The following SLC25A36 variants were observed in gnomAD, a reference collection of about 807,000 sequenced individuals.
SLC25A36 encodes epididymis secretory sperm binding protein.
In SLC25A36, 24 loss-of-function variants were observed where a neutral mutation model predicts 35.3. The observed-to-expected ratio is 0.68, with a 90% CI of 0.49 to 0.96. The LOEUF (loss-of-function observed/expected upper bound fraction) is 0.96. Among genes scored for constraint, SLC25A36 ranks in the 40% least tolerant of loss-of-function variants. The probability of loss-of-function intolerance (pLI) is 0.00; values close to 1 mark genes in which losing one functional copy is unlikely to be tolerated. For synonymous variants in SLC25A36, 141 were observed against 132.2 expected, an observed-to-expected ratio of 1.07 and a Z score of -0.46; for missense variants, 294 against 381.1, an observed-to-expected ratio of 0.77 and a Z score of 1.90.
chr3:140,962,842 G>T (rs1934663997), intron 3 of SLC25A36, among the ~76,000 whole-genome samples: 1 of 148,766 alleles, frequency 6.7e-6, no homozygotes, highest in Admixed American at 6.7e-5. Flanking sequence ...TTATCTTCTT[G>T]GTTACCAAGT....
Position 140,941,880 on chromosome 3 carries a change from C to A in SLC25A36, c.-175C>A. 2.0e-6 allele frequency: 1 copy of A among 503,472 alleles called. No homozygotes were observed. Among genetic ancestry groups the A allele is most frequent in the Non-Finnish European group, 3.6e-6 (1 of 280,682 alleles). 31.2% of individuals were successfully genotyped at this position (503,472 alleles called of 1,614,324 possible). ...CGCGCTTAGGCAGGCGGTGGCGCGGCTGGAGTGCCGCGGGGAGGGCTGTGC... is the reference window on the plus strand; with the variant it reads ...CGCGCTTAGGCAGGCGGTGGCGCGGATGGAGTGCCGCGGGGAGGGCTGTGC... On this transcript the variant is annotated 5_prime_UTR_variant, in exon 1 of 7. In the 5' UTR this introduces an upstream ATG that the reference lacks. Coordinates refer to ENST00000324194, the MANE Select transcript of SLC25A36 (RefSeq NM_001104647.3).
intron 1 of SLC25A36, among the ~76,000 whole-genome samples, chr3:140,954,745 G>A (rs897253880): frequency 2.0e-5 from 3 of 152,114 alleles, no homozygotes; most frequent in African/African-American, 7.2e-5. Flanking sequence ...GTAATGATTT[G>A]TAAATATTTG....
intron 1 of SLC25A36, among the ~76,000 whole-genome samples, chr3:140,945,013 C>T (rs933439702): frequency 2.6e-5 from 4 of 152,194 alleles, no homozygotes; most frequent in Non-Finnish European, 5.9e-5. Flanking sequence ...CTCTGTCTTG[C>T]TCTGTTTAAG....
Position 140,970,958 on chromosome 3 carries a change from T to C in SLC25A36, c.417T>C (p.Ile139=). The change falls in exon 5 of 7, where the codon ATT becomes ATC. Residue 139 remains isoleucine (I), a synonymous_variant. Coordinates refer to ENST00000324194, the MANE Select transcript of SLC25A36 (RefSeq NM_001104647.3). ...CTGCAATCACAGCAACCAACCCCAT[T>C]TGGCTTATAAAGACTCGGTTACAGC... The part of the protein sequence containing the change: ...GFTAITATNP[I]WLIKTRLQLD... 6.5e-7 allele frequency: 1 copy of C among 1,535,662 alleles called. No individual in the cohort carries two copies. The highest frequency in any genetic ancestry group is 9.0e-7 in the Non-Finnish European group (1 of 1,109,672).
chr3:140,951,086 ACTG>A (rs1478289934), intron 1 of SLC25A36, among the ~76,000 whole-genome samples: 1 of 151,992 alleles, frequency 6.6e-6, no homozygotes, highest in Non-Finnish European at 1.5e-5. Context: ...GCAGGGAAAA[ACTG>A]CTGCTTTTTG....
intron 1 of SLC25A36, among the ~76,000 whole-genome samples, chr3:140,944,161 A>G (rs776547292): frequency 1.3e-5 from 2 of 152,264 alleles, no homozygotes; most frequent in Admixed American, 6.5e-5. Context: ...AAGAACCAAG[A>G]GTAACCTTTC....
intron 5 of SLC25A36, among the ~76,000 whole-genome samples, chr3:140,971,826 G>C (rs1327116859): frequency 6.6e-6 from 1 of 152,174 alleles, no homozygotes; most frequent in African/African-American, 2.4e-5. Context: ...GTCTGGAGTA[G>C]GTTCTGTGTA....
At position 140,951,042 on chromosome 3, in the gene SLC25A36, T is replaced by G. The variant is rs1455749171; in HGVS notation, c.42-5485T>G. ...TTGCCTTAATTCCCTCTTGAATACT[T>G]GGTGCCCTAATCATTAGGCCTCCTA... On this transcript the variant is annotated intron_variant, in intron 1 of 6. Coordinates refer to ENST00000324194, the MANE Select transcript of SLC25A36 (RefSeq NM_001104647.3). Among the ~76,000 whole-genome samples, 3 of 152,150 alleles carry G rather than the reference T, an allele frequency of 2.0e-5. No individual in the cohort carries two copies. The East Asian group carries it at 5.8e-4, about 29-fold the overall frequency.
chr3:140,976,221 G>T (rs748029210), intron 6 of SLC25A36, 39 bp from the exon 7 acceptor site: 12 of 1,316,670 alleles, frequency 9.1e-6, no homozygotes, highest in Non-Finnish European at 1.2e-5. Context: ...AGAGTGTAAA[G>T]ATATCAGTAA....
Position 140,980,102 on chromosome 3 carries a change from G to A in SLC25A36, c.*3649G>A, listed in dbSNP as rs1360684350. Reference sequence around the variant, plus strand: ...TATCTTGAGCACTTTGTATCTGTTAGATCTAGTGATGTCTGAAGGAACCCA... The same window carrying A: ...TATCTTGAGCACTTTGTATCTGTTAAATCTAGTGATGTCTGAAGGAACCCA... On this transcript the variant is annotated 3_prime_UTR_variant, in exon 7 of 7. Transcript: ENST00000324194. Among the ~76,000 whole-genome samples, 3 of 152,078 alleles carry A rather than the reference G, an allele frequency of 2.0e-5. No homozygotes were observed. The highest frequency in any genetic ancestry group is 4.4e-5 in the Non-Finnish European group (3 of 68,018).
Position 140,973,788 on chromosome 3 carries a change from A to G in SLC25A36, c.525A>G (p.Gly175=), listed in dbSNP as rs770237769. 2.4e-5 allele frequency: 38 copies of G among 1,612,368 alleles called. No individual in the cohort carries two copies. Among genetic ancestry groups the G allele is most frequent in the Non-Finnish European group, 3.1e-5 (37 of 1,179,108 alleles). The change falls in exon 6 of 7, where the codon GGA becomes GGG. Residue 175 remains glycine (G), a synonymous_variant. Transcript: ENST00000324194. ...RKVYQTDGLK[G]FYRGMSASYA... is the part of the protein sequence containing the mutation. ...TGTATCAGACAGATGGACTAAAAGG[A>G]TTTTATAGGGGCATGTCTGCTTCAT...
At position 140,980,987 on chromosome 3, in the gene SLC25A36, A is replaced by C. The variant is rs933237064; in HGVS notation, c.*4534A>C. Among the ~76,000 whole-genome samples, 1 of 152,174 alleles carries C rather than the reference A, an allele frequency of 6.6e-6. No homozygotes were observed. ...CAATAAATACAGAGGAATATTAGTTACAACTGGAGTTTTTGACTTGAGTGC... is the reference window on the plus strand; with the variant it reads ...CAATAAATACAGAGGAATATTAGTTCCAACTGGAGTTTTTGACTTGAGTGC... On this transcript the variant is annotated 3_prime_UTR_variant, in exon 7 of 7. Transcript: ENST00000324194.
rs1935102497 is a variant in SLC25A36 at position 140,978,276 on chromosome 3, T to C, written c.*1823T>C. 3 of 152,188 alleles carry C rather than the reference T, an allele frequency of 2.0e-5. No homozygotes were observed. Among genetic ancestry groups the C allele is most frequent in the Non-Finnish European group, 2.9e-5 (2 of 68,030 alleles). The allele number at this position is 152,188 out of a possible 1,614,324, so 9.4% of individuals were successfully genotyped here. On this transcript the variant is annotated 3_prime_UTR_variant, in exon 7 of 7. Coordinates refer to ENST00000324194, the MANE Select transcript of SLC25A36 (RefSeq NM_001104647.3). The stretch of plus-strand genomic sequence containing the variant: ...TCTTACCTTTGGAATTATTCGTACC[T>C]TTTATGGTAAATTTCAGCTTTGACA...
rs1382011275 is a variant in SLC25A36, at chr3:140,973,756, C to T, written c.493C>T (p.Arg165Cys). 19 of 1,586,874 alleles carry T rather than the reference C, an allele frequency of 1.2e-5. No homozygotes were observed. Among genetic ancestry groups the T allele is most frequent in the African/African-American group, 2.7e-5 (2 of 74,298 alleles). The change falls in exon 6 of 7, where the codon CGT becomes TGT. Residue 165 changes from arginine to cysteine, a missense_variant. Physicochemically the swap from Arg to Cys is radical, Grantham distance 180 (BLOSUM62 -3). This residue lies in a region of SLC25A36 where 109 missense variants were observed against 179.7 expected (regional missense o/e 0.61). Coordinates refer to ENST00000324194, the MANE Select transcript of SLC25A36 (RefSeq NM_001104647.3). Reference protein sequence around the residue: ...ERRMGAFECVRKVYQTDGLKG... With the variant: ...ERRMGAFECVCKVYQTDGLKG... Reference sequence around the variant, plus strand: ...GCGAATGGGTGCTTTTGAATGTGTTCGTAAAGTGTATCAGACAGATGGACT... The same window carrying T: ...GCGAATGGGTGCTTTTGAATGTGTTTGTAAAGTGTATCAGACAGATGGACT...
intron 1 of SLC25A36, among the ~76,000 whole-genome samples, chr3:140,954,295 T>C (rs984602191): frequency 6.6e-6 from 1 of 152,252 alleles, no homozygotes; most frequent in African/African-American, 2.4e-5. Flanking sequence ...CACTAGTTGA[T>C]GGACATTTGG....
At chr3:140,945,295 T>A (rs1485256119) in intron 1 of SLC25A36, among the ~76,000 whole-genome samples, 1 of 152,186 alleles carries the variant, frequency 6.6e-6, no homozygotes, top group East Asian at 1.9e-4. Context: ...TACTATCACC[T>A]TGGGATGTGA....
At chr3:140,961,032 CTG>C (rs1278452752) in intron 3 of SLC25A36, among the ~76,000 whole-genome samples, 2 of 152,324 alleles carry the variant, frequency 1.3e-5, no homozygotes, top group African/African-American at 2.4e-5. Flanking sequence ...TGATAGAACA[CTG>C]TATAAAGTTC....
chr3:140,973,783 A>C lies in SLC25A36; in HGVS notation c.520A>C (p.Lys174Gln). Residue 174 changes from lysine to glutamine, a missense_variant, in exon 6 of 7, where the codon AAA (lysine) becomes CAA (glutamine). Physicochemically the swap from Lys to Gln is moderately conservative, Grantham distance 53. This residue lies in a region of SLC25A36 where 109 missense variants were observed against 179.7 expected (regional missense o/e 0.61). Coordinates refer to ENST00000324194, the MANE Select transcript of SLC25A36 (RefSeq NM_001104647.3). ...VRKVYQTDGL[K>Q]GFYRGMSASY... ...TAAAGTGTATCAGACAGATGGACTA[A>C]AAGGATTTTATAGGGGCATGTCTGC... 6.2e-7 allele frequency: 1 copy of C among 1,612,374 alleles called. No homozygotes were observed. The highest frequency in any genetic ancestry group is 8.5e-7 in the Non-Finnish European group (1 of 1,179,034).
chr3:140,965,165 C>T (rs575406300), intron 4 of SLC25A36: 2 of 151,906 alleles, frequency 1.3e-5, no homozygotes, highest in Non-Finnish European at 1.5e-5. Flanking sequence ...CTTAGCTTTG[C>T]AGTTTTATAC....
Sources: allele counts gnomAD v4.1 joint callset (sites outside exome capture counted in the v4.1 genomes callset), GRCh38; gene constraint gnomAD v4.1.1; regional missense constraint gnomAD v4.1.1; transcripts MANE v1.5; gene names NCBI Gene and HGNC (gene_info 2026-07-23, HGNC 2026-07-21).